Variants in NECTIN1 observed in about 807,000 individuals in gnomAD.
NECTIN1 encodes nectin cell adhesion molecule 1.
NECTIN1 carries 23 observed loss-of-function variants against 48.0 expected under a neutral mutation model. That is an observed-to-expected ratio of 0.48 (90% CI 0.34 to 0.68). NECTIN1 has a LOEUF of 0.68. Among genes scored for constraint, NECTIN1 ranks in the 30% least tolerant of loss-of-function variants. The pLI, the probability that NECTIN1 is intolerant of heterozygous loss-of-function variation, is 0.01. For synonymous variants in NECTIN1, 270 were observed against 288.9 expected, an observed-to-expected ratio of 0.93 and a Z score of 0.66; for missense variants, 591 against 709.9, an observed-to-expected ratio of 0.83 and a Z score of 1.90.
At chr11:119,670,988 T>C (rs1864854442) in intron 5 of NECTIN1, among the ~76,000 whole-genome samples, 1 of 151,934 alleles carries the variant, frequency 6.6e-6, no homozygotes, top group Non-Finnish European at 1.5e-5. Flanking sequence ...TGGGGATCTT[T>C]TGGGACCAAA....
Position 119,665,261 on chromosome 11 carries a change from C to A in NECTIN1, c.1040G>T (p.Arg347Leu). The change falls in exon 6 of 6, where the codon CGG becomes CTG. Residue 347 changes from arginine (R) to leucine (L), a missense_variant. Physicochemically the swap from Arg to Leu is moderately radical, Grantham distance 102. Transcript: ENST00000264025. The surrounding 1 kb of genome is among the most constrained non-coding windows in gnomAD (Gnocchi z 5.1). ...GGCCGTGGGCACCGGCCCGGCGCGC[C>A]GCCCATGTTCGGGAGGAGACGGGGT... ...PYTPSPPEHG[R>L]RAGPVPTAII... is the part of the protein sequence containing the mutation. 6.3e-7 allele frequency: 1 copy of A among 1,596,526 alleles called. No individual in the cohort carries two copies. The highest frequency in any genetic ancestry group is 8.5e-7 in the Non-Finnish European group (1 of 1,176,646).
intron 5 of NECTIN1, among the ~76,000 whole-genome samples, chr11:119,645,377 C>T (rs933267260): frequency 6.6e-6 from 1 of 152,168 alleles, no homozygotes; most frequent in African/African-American, 2.4e-5. Flanking sequence ...GCTGGGAGGG[C>T]TCCCAAGTCT....
At chr11:119,706,073 C>G (rs1026348599) in intron 1 of NECTIN1, among the ~76,000 whole-genome samples, 5 of 152,220 alleles carry the variant, frequency 3.3e-5, no homozygotes, top group Admixed American at 3.3e-4. Flanking sequence ...AGAAATAAAG[C>G]CCTCAGCTGC....
intron 1 of NECTIN1, among the ~76,000 whole-genome samples, chr11:119,724,852 T>G (rs1051452359): frequency 1.3e-5 from 2 of 152,248 alleles, no homozygotes. Context: ...GTCAGAAATG[T>G]CACAGCTTAA....
Position 119,661,532 on chromosome 11 carries a change from ACTACCCTC to A in NECTIN1, c.*3207_*3214del, listed in dbSNP as rs1024791070. The A allele has an allele frequency of 7.1e-6, 7 of 985,780 alleles. No individual in the cohort carries two copies. The highest frequency in any genetic ancestry group is 6.0e-6 in the Non-Finnish European group (5 of 829,994). 61.1% of individuals were successfully genotyped at this position (985,780 alleles called of 1,614,324 possible). On this transcript the variant is annotated 3_prime_UTR_variant, in exon 6 of 6. Transcript: ENST00000264025. ...GTCTGGACTCCTGAGGCCTGGGAGCACTACCCTCCTCCCAGAAGAGGGGACATCCGTGT... is the reference window on the plus strand; with the variant it reads ...GTCTGGACTCCTGAGGCCTGGGAGCACTCCCAGAAGAGGGGACATCCGTGT...
Position 119,727,744 on chromosome 11 carries a change from C to A in NECTIN1, c.79+731G>T, listed in dbSNP as rs1325231600. 6.6e-6 allele frequency among the ~76,000 whole-genome samples: 1 copy of A among 152,228 alleles called. No homozygotes were observed. Among genetic ancestry groups the A allele is most frequent in the African/African-American group, 2.4e-5 (1 of 41,456 alleles). On this transcript the variant is annotated intron_variant, in intron 1 of 5. Transcript: ENST00000264025. The surrounding 1 kb of genome is among the most constrained non-coding windows in gnomAD (Gnocchi z 4.1). ...CTCGAGGAAGGACACGCGGGGCACCCTCGGGAAAGTGGGTCATGCAGCTAC... is the reference window on the plus strand; with the variant it reads ...CTCGAGGAAGGACACGCGGGGCACCATCGGGAAAGTGGGTCATGCAGCTAC...
chr11:119,718,928 G>A (rs557957816), intron 1 of NECTIN1, among the ~76,000 whole-genome samples: 4 of 152,260 alleles, frequency 2.6e-5, no homozygotes, highest in African/African-American at 9.6e-5. Flanking sequence ...ATGTTATCTT[G>A]GGGATGGGAC....
intron 4 of NECTIN1, among the ~76,000 whole-genome samples, chr11:119,675,891 A>C (rs1040658918): frequency 9.2e-5 from 14 of 152,076 alleles, no homozygotes; most frequent in Non-Finnish European, 2.1e-4. Flanking sequence ...CTGTAGTCCC[A>C]GTTACTCGGG....
intron 5 of NECTIN1, among the ~76,000 whole-genome samples, chr11:119,650,482 C>T (rs1175473871): frequency 1.3e-5 from 2 of 152,234 alleles, no homozygotes; most frequent in Non-Finnish European, 2.9e-5. Flanking sequence ...TTTCACCCTA[C>T]CTGGGGCATT....
chr11:119,693,406 G>A (rs1865293616), intron 1 of NECTIN1, among the ~76,000 whole-genome samples: 1 of 152,230 alleles, frequency 6.6e-6, no homozygotes, highest in Non-Finnish European at 1.5e-5. Flanking sequence ...CCATTTACAT[G>A]TAAAATCTCA....
rs138095882 is a variant in NECTIN1 at position 119,683,849 on chromosome 11, A to G, written c.80-5084T>C. 3.9e-3 allele frequency among the ~76,000 whole-genome samples: 596 copies of G among 152,052 alleles called. 1 individual carries two copies. The highest frequency in any genetic ancestry group is 0.015 in the East Asian group (80 of 5,168). On this transcript the variant is annotated intron_variant, in intron 1 of 5. Transcript: ENST00000264025. This position sits in a 1 kb window ranked among gnomAD's most constrained non-coding sequence, Gnocchi z 4.0. ...CCTGGGGCTTGTTCTCAAGTGCCTC[A>G]GTTTCCCCACTAGATCTCAGGTTGG... is the stretch of plus-strand genomic sequence containing the variant.
intron 1 of NECTIN1, among the ~76,000 whole-genome samples, chr11:119,713,394 T>C (rs1286520760): frequency 2.6e-5 from 4 of 151,950 alleles, no homozygotes; most frequent in Non-Finnish European, 5.9e-5. Context: ...GAAAAAACCA[T>C]CCATGATTTA....
Position 119,672,186 on chromosome 11 carries a change from G to A in NECTIN1, c.1003+2973C>T, listed in dbSNP as rs1443119868. ...GACAGACGCCCTGCACCCTGGGATG[G>A]ACATCCTACACCCTGGCAGCCTCCC... On this transcript the variant is annotated intron_variant, in intron 5 of 5. Coordinates refer to ENST00000264025, the MANE Select transcript of NECTIN1 (RefSeq NM_002855.5). This position sits in a 1 kb window ranked among gnomAD's most constrained non-coding sequence, Gnocchi z 4.3. Among the ~76,000 whole-genome samples, 1 of 152,208 alleles carries A rather than the reference G, an allele frequency of 6.6e-6. No individual in the cohort carries two copies. Among genetic ancestry groups the A allele is most frequent in the Admixed American group, 6.5e-5 (1 of 15,278 alleles).
chr11:119,713,809 T>C (rs1418113124), intron 1 of NECTIN1: 2 of 455,156 alleles, frequency 4.4e-6, no homozygotes, highest in Non-Finnish European at 8.8e-6. Context: ...CTCTCCTGGG[T>C]TAGCCTCAGA....
chr11:119,728,378 CT>C, intron 1 of NECTIN1, 96 bp downstream of exon 1: 1 of 1,254,034 alleles, frequency 8.0e-7, no homozygotes, highest in East Asian at 2.7e-5. Context: ...TTTCTGGCTC[CT>C]TTCACTCCCC....
Position 119,664,679 on chromosome 11 carries a change from G to A in NECTIN1, c.*68C>T, listed in dbSNP as rs1306961150. 5.4e-6 allele frequency: 8 copies of A among 1,483,818 alleles called. No homozygotes were observed. The highest frequency in any genetic ancestry group is 1.4e-5 in the South Asian group (1 of 73,544). 91.9% of individuals were successfully genotyped at this position (1,483,818 alleles called of 1,614,324 possible). ...TCAGCTCCTGGAGTGGGAGGTGGGG[G>A]GTGGGCAGGGGGCGTGCGGGGAGGG... On this transcript the variant is annotated 3_prime_UTR_variant, in exon 6 of 6. Transcript: ENST00000264025.
Position 119,677,779 on chromosome 11 carries a change from G to A in NECTIN1, c.509C>T (p.Ala170Val), listed in dbSNP as rs1864984270. ...KKGQDDKVLV[A>V]TCTSANGKPP... ...CTTCCCATTGGCTGAGGTGCAGGTG[G>A]CCACCAGGACCTTGTCATCCTGCCC... is the stretch of plus-strand genomic sequence containing the variant. The change falls in exon 3 of 6, where the codon GCC becomes GTC. Residue 170 changes from alanine to valine, a missense_variant. Coordinates refer to ENST00000264025, the MANE Select transcript of NECTIN1 (RefSeq NM_002855.5). This position sits in a 1 kb window ranked among gnomAD's most constrained non-coding sequence, Gnocchi z 5.4. The A allele has an allele frequency of 1.2e-6, 2 of 1,614,110 alleles. No homozygotes were observed. Among genetic ancestry groups the A allele is most frequent in the Non-Finnish European group, 1.7e-6 (2 of 1,179,998 alleles).
rs1864685455 is a variant in NECTIN1 at position 119,662,541 on chromosome 11, G to A, written c.*2206C>T. On this transcript the variant is annotated 3_prime_UTR_variant, in exon 6 of 6. Transcript: ENST00000264025. This position sits in a 1 kb window ranked among gnomAD's most constrained non-coding sequence, Gnocchi z 5.3. ...GGGCCTTCAAAGTCCAACACAGAAT[G>A]GGGAATAGAGGGTGGCAGTGCAGGA... 2 of 985,722 alleles carry A rather than the reference G, an allele frequency of 2.0e-6. No individual in the cohort carries two copies. The highest frequency in any genetic ancestry group is 3.5e-5 in the African/African-American group (2 of 57,186). The allele number at this position is 985,722 out of a possible 1,614,324, so 61.1% of individuals were successfully genotyped here.
At chr11:119,638,870 A>T in intron 6 of NECTIN1, 1 of 1,408,274 alleles carries the variant, frequency 7.1e-7, no homozygotes, top group South Asian at 1.2e-5. Context: ...CCATCAGGCC[A>T]CCAGACAGCT....
Sources: allele counts gnomAD v4.1 joint callset (sites outside exome capture counted in the v4.1 genomes callset), GRCh38; gene constraint gnomAD v4.1.1; non-coding constraint Gnocchi (gnomAD v3.1); transcripts MANE v1.5; gene names NCBI Gene and HGNC (gene_info 2026-07-23, HGNC 2026-07-21).